The following EHBP1 variants were observed in gnomAD, a reference collection of about 807,000 sequenced individuals.
The protein encoded by EHBP1 is EH domain binding protein 1, also known as EH domain-binding protein 1.
In EHBP1, 55 loss-of-function variants were observed where a neutral mutation model predicts 144.0. That is an observed-to-expected ratio of 0.38 (90% CI 0.31 to 0.48). EHBP1 has a LOEUF of 0.48. EHBP1 is among the 20% of genes least tolerant of loss of function. The pLI, the probability that EHBP1 is intolerant of heterozygous loss-of-function variation, is 0.98. For missense variants in EHBP1, 1,200 were observed against 1,364.2 expected, an observed-to-expected ratio of 0.88 and a Z score of 1.90; for synonymous variants, 469 against 472.7, an observed-to-expected ratio of 0.99 and a Z score of 0.10.
rs190067112 is a variant in EHBP1, at chr2:62,819,340, A to G, written c.313-6747A>G. 4.3e-4 allele frequency among the ~76,000 whole-genome samples: 66 copies of G among 152,346 alleles called. 1 individual carries two copies. The highest frequency in any genetic ancestry group is 4.2e-3 in the Admixed American group (65 of 15,304). On this transcript the variant is annotated intron_variant, in intron 5 of 22. Coordinates refer to ENST00000431489, the MANE Select transcript of EHBP1 (RefSeq NM_001142616.3). ...GAATACAATTTGGTATTTTCCGATAAAGGTGTACATGTACATATCCTATGA... is the reference window on the plus strand; with the variant it reads ...GAATACAATTTGGTATTTTCCGATAGAGGTGTACATGTACATATCCTATGA...
rs914010461 is a variant in EHBP1 at position 62,889,799 on chromosome 2, GT to G, written c.1185+15275del. Among the ~76,000 whole-genome samples, 146 of 151,490 alleles carry G rather than the reference GT, an allele frequency of 9.6e-4. 2 individuals are homozygous for G. The highest frequency in any genetic ancestry group is 3.1e-3 in the African/African-American group (126 of 41,310). On this transcript the variant is annotated intron_variant, in intron 10 of 22. Transcript: ENST00000431489. ...TATCTATTCTGTGTCTATTTTGTCT[GT>G]TTTTTTTATGTCCATTTTTGTACCA...
chr2:62,894,275 G>A (rs1009334201), intron 10 of EHBP1, among the ~76,000 whole-genome samples: 12 of 152,134 alleles, frequency 7.9e-5, no homozygotes, highest in Non-Finnish European at 1.5e-4. Context: ...TATAATTAGG[G>A]CTATAATAGA....
chr2:62,877,904 A>T (rs1398098388), intron 10 of EHBP1, among the ~76,000 whole-genome samples: 1 of 152,216 alleles, frequency 6.6e-6, no homozygotes, highest in Non-Finnish European at 1.5e-5. Flanking sequence ...TAACAACGTT[A>T]TACCACACCT....
intron 10 of EHBP1, among the ~76,000 whole-genome samples, chr2:62,888,348 C>T (rs2052118486): frequency 6.6e-6 from 1 of 152,190 alleles, no homozygotes; most frequent in African/African-American, 2.4e-5. Flanking sequence ...CTTGATTTTT[C>T]TCACTGTGTT....
At chr2:62,710,323 GTATTA>G (rs2035023547) in intron 2 of EHBP1, among the ~76,000 whole-genome samples, 1 of 151,660 alleles carries the variant, frequency 6.6e-6, no homozygotes, top group Non-Finnish European at 1.5e-5. Context: ...GTATGAATAC[GTATTA>G]TATTTTGTAT....
At chr2:62,694,443 G>C (rs950494709) in intron 1 of EHBP1, among the ~76,000 whole-genome samples, 3 of 149,866 alleles carry the variant, frequency 2.0e-5, no homozygotes, top group African/African-American at 7.4e-5. Flanking sequence ...TCAATTTTTA[G>C]TTGATCAGAA....
rs141758506 is a variant in EHBP1 at position 62,945,021 on chromosome 2, G to A, written c.1413+1171G>A. Among the ~76,000 whole-genome samples the A allele has an allele frequency of 5.9e-5, 9 of 152,292 alleles. No homozygotes were observed. The East Asian group carries it at 1.7e-3, about 29-fold the overall frequency. On this transcript the variant is annotated intron_variant, in intron 12 of 22. Transcript: ENST00000431489. Reference sequence around the variant, plus strand: ...TTCATAATTCCTCATCTGAAATTTAGCATTTCCTTCAATTATGAATTTAGG... The same window carrying A: ...TTCATAATTCCTCATCTGAAATTTAACATTTCCTTCAATTATGAATTTAGG...
In EHBP1 at chr2:62,899,852, A is replaced by G. The variant is rs577762995; in HGVS notation, c.1185+25320A>G. 1.9e-4 allele frequency among the ~76,000 whole-genome samples: 29 copies of G among 152,332 alleles called. No homozygotes were observed. The South Asian group carries it at 4.6e-3, about 24-fold the overall frequency. ...ATTTCTTACATTTATAAGATTCTCCATAGTCTCCACAACACTGAAATATGC... is the reference window on the plus strand; with the variant it reads ...ATTTCTTACATTTATAAGATTCTCCGTAGTCTCCACAACACTGAAATATGC... On this transcript the variant is annotated intron_variant, in intron 10 of 22. Coordinates refer to ENST00000431489, the MANE Select transcript of EHBP1 (RefSeq NM_001142616.3).
chr2:62,693,141 C>G (rs1206117990), intron 1 of EHBP1, among the ~76,000 whole-genome samples: 1 of 152,120 alleles, frequency 6.6e-6, no homozygotes, highest in African/African-American at 2.4e-5. Flanking sequence ...GTTTATTTCA[C>G]TTAACATAAT....
At chr2:62,898,823 G>A (rs2053160435) in intron 10 of EHBP1, among the ~76,000 whole-genome samples, 1 of 152,148 alleles carries the variant, frequency 6.6e-6, no homozygotes, top group South Asian at 2.1e-4. Context: ...CAGTCATCCT[G>A]GCTCGGCCTT....
chr2:62,861,217 A>C (rs1192395769), intron 8 of EHBP1, among the ~76,000 whole-genome samples: 1 of 146,736 alleles, frequency 6.8e-6, no homozygotes, highest in Non-Finnish European at 1.5e-5. Flanking sequence ...GCAACGTCCA[A>C]CTCTCGGGTT....
intron 3 of EHBP1, among the ~76,000 whole-genome samples, chr2:62,755,919 A>G (rs1368114684): frequency 6.6e-6 from 1 of 152,176 alleles, no homozygotes; most frequent in African/African-American, 2.4e-5. Context: ...AAAATTAGAT[A>G]GCAATTATTG....
chr2:62,969,743 C>T (rs1228061871), intron 14 of EHBP1, among the ~76,000 whole-genome samples: 1 of 152,096 alleles, frequency 6.6e-6, no homozygotes, highest in Non-Finnish European at 1.5e-5. Flanking sequence ...CTCTGTTTTG[C>T]AACAAGAAAG....
chr2:62,786,019 G>A (rs924082267), intron 5 of EHBP1, among the ~76,000 whole-genome samples: 1 of 152,056 alleles, frequency 6.6e-6, no homozygotes, highest in Non-Finnish European at 1.5e-5. Context: ...ATTCCCGTAT[G>A]TAACCAACTA....
At chr2:62,753,242 A>G (rs1312744047) in intron 3 of EHBP1, among the ~76,000 whole-genome samples, 1 of 152,070 alleles carries the variant, frequency 6.6e-6, no homozygotes, top group East Asian at 1.9e-4. Context: ...AAAGTATTTT[A>G]TTTCTCCTTC....
chr2:62,982,027 C>T (rs962478286), intron 15 of EHBP1, among the ~76,000 whole-genome samples: 6 of 152,056 alleles, frequency 3.9e-5, no homozygotes, highest in Non-Finnish European at 5.9e-5. Context: ...TTCCTGTCCT[C>T]GGTGGTGGGT....
chr2:62,935,489 T>G (rs1195698029), intron 10 of EHBP1, among the ~76,000 whole-genome samples: 2 of 151,870 alleles, frequency 1.3e-5, no homozygotes, highest in Non-Finnish European at 2.9e-5. Flanking sequence ...ATGAATGGTT[T>G]TCAAATTTTT....
intron 7 of EHBP1, chr2:62,858,311 T>G (rs898511319): frequency 4.1e-6 from 3 of 727,528 alleles, no homozygotes; most frequent in African/African-American, 1.7e-5. Flanking sequence ...TAACCAAACA[T>G]CTCCTCTTTG....
intron 14 of EHBP1, among the ~76,000 whole-genome samples, chr2:62,968,164 A>G (rs1258418469): frequency 6.6e-6 from 1 of 152,148 alleles, no homozygotes; most frequent in African/African-American, 2.4e-5. Flanking sequence ...AGTACAATCC[A>G]AAGGAGTTCA....
Sources: allele counts gnomAD v4.1 joint callset (sites outside exome capture counted in the v4.1 genomes callset), GRCh38; gene constraint gnomAD v4.1.1; transcripts MANE v1.5; gene names NCBI Gene and HGNC (gene_info 2026-07-23, HGNC 2026-07-21).